The following CSMD1 variants were observed in gnomAD, a reference collection of about 807,000 sequenced individuals.
CSMD1 encodes the protein CUB and sushi domain-containing protein 1.
A neutral mutation model predicts 417.5 loss-of-function variants in CSMD1; 213 were observed. That is an observed-to-expected ratio of 0.51 (90% CI 0.46 to 0.57). The LOEUF (loss-of-function observed/expected upper bound fraction) is 0.57, where lower values mean the gene tolerates loss of function less well. Among genes scored for constraint, CSMD1 ranks in the 20% least tolerant of loss-of-function variants. The pLI is 0.00. For missense variants in CSMD1, 6,923 were observed against 4,529.7 expected, an observed-to-expected ratio of 1.53 and a Z score of -15.17; for synonymous variants, 2,862 against 1,736.8, an observed-to-expected ratio of 1.65 and a Z score of -16.11.
intron 2 of CSMD1, among the ~76,000 whole-genome samples, chr8:4,630,387 C>G (rs138562830): frequency 6.6e-6 from 1 of 151,802 alleles, no homozygotes; most frequent in South Asian, 2.1e-4. Flanking sequence ...GATGAGAGCC[C>G]AATCTCACCC....
At chr8:4,722,572 G>A (rs1388585727) in intron 1 of CSMD1, among the ~76,000 whole-genome samples, 3 of 152,064 alleles carry the variant, frequency 2.0e-5, no homozygotes, top group Non-Finnish European at 4.4e-5. Context: ...AGATAGTTAG[G>A]AATGTCTGTG....
chr8:3,580,308 G>A lies in CSMD1; in HGVS notation c.1223-5242C>T, dbSNP rs139791341. On this transcript the variant is annotated intron_variant, in intron 9 of 69. Coordinates refer to ENST00000635120, the MANE Select transcript of CSMD1 (RefSeq NM_033225.6). The stretch of plus-strand genomic sequence containing the variant: ...AAAAGATTTGTAAAGTGAGGGAAAA[G>A]GCCTGCTCTGTAAGAAGTGGTTTTG... Among the ~76,000 whole-genome samples the A allele has an allele frequency of 2.0e-3, 305 of 152,164 alleles. 1 individual carries two copies. The highest frequency in any genetic ancestry group is 6.8e-3 in the African/African-American group (282 of 41,504).
intron 3 of CSMD1, among the ~76,000 whole-genome samples, chr8:4,304,741 G>T (rs1175299267): frequency 6.6e-6 from 1 of 152,082 alleles, no homozygotes; most frequent in Non-Finnish European, 1.5e-5. Flanking sequence ...CTTGGTAAAA[G>T]AAAAGACCAA....
intron 6 of CSMD1, among the ~76,000 whole-genome samples, chr8:3,715,316 C>G (rs1445852939): frequency 6.6e-6 from 1 of 152,148 alleles, no homozygotes; most frequent in Non-Finnish European, 1.5e-5. Flanking sequence ...TCAGTAGGAG[C>G]TATGTCTCTA....
Position 3,468,706 on chromosome 8 carries a change from TC to T in CSMD1, c.1561+5del. ...TCCAACCCTGTGAAGTGTAATCTCATCATACCTTGGTAAACAGCTTTAAACC... is the reference window on the plus strand; with the variant it reads ...TCCAACCCTGTGAAGTGTAATCTCATATACCTTGGTAAACAGCTTTAAACC... On this transcript the variant is annotated splice_donor_5th_base_variant and intron_variant, in intron 12 of 69. Transcript: ENST00000635120. 2 of 1,575,582 alleles carry T rather than the reference TC, an allele frequency of 1.3e-6. No homozygotes were observed. The highest frequency in any genetic ancestry group is 1.7e-6 in the Non-Finnish European group (2 of 1,153,166).
intron 3 of CSMD1, among the ~76,000 whole-genome samples, chr8:4,178,154 T>C (rs1329501109): frequency 1.3e-5 from 2 of 152,142 alleles, no homozygotes; most frequent in African/African-American, 4.8e-5. Context: ...CCAATATCCT[T>C]GATGCAGATT....
At chr8:4,379,067 T>G (rs149746318) in intron 3 of CSMD1, among the ~76,000 whole-genome samples, 1 of 152,250 alleles carries the variant, frequency 6.6e-6, no homozygotes, top group Admixed American at 6.5e-5. Context: ...AATTTTATAG[T>G]GGAGATATTC....
chr8:4,183,424 G>A (rs866947295), intron 3 of CSMD1, among the ~76,000 whole-genome samples: 14 of 152,180 alleles, frequency 9.2e-5, no homozygotes, highest in Admixed American at 4.6e-4. Flanking sequence ...ACATACTGTG[G>A]GTCACAGCTT....
chr8:3,136,965 TTTAA>T lies in CSMD1; in HGVS notation c.6241+5496_6241+5499del, dbSNP rs533992639. Among the ~76,000 whole-genome samples, 132 of 152,290 alleles carry T rather than the reference TTTAA, an allele frequency of 8.7e-4. 1 individual carries two copies. Among genetic ancestry groups the T allele is most frequent in the African/African-American group, 3.0e-3 (124 of 41,538 alleles). ...ACATATTTTTTTTAAATTTTATTATTTTAATTGAGAGATAATAATTGCACATATT... is the reference window on the plus strand; with the variant it reads ...ACATATTTTTTTTAAATTTTATTATTTTGAGAGATAATAATTGCACATATT... On this transcript the variant is annotated intron_variant, in intron 41 of 69. Coordinates refer to ENST00000635120, the MANE Select transcript of CSMD1 (RefSeq NM_033225.6).
intron 3 of CSMD1, among the ~76,000 whole-genome samples, chr8:4,166,485 C>G (rs1797463160): frequency 6.6e-6 from 1 of 152,088 alleles, no homozygotes; most frequent in African/African-American, 2.4e-5. Context: ...GGCCATTACC[C>G]TAAGTTAAGT....
intron 3 of CSMD1, among the ~76,000 whole-genome samples, chr8:4,166,157 A>C (rs1425596317): frequency 1.3e-5 from 2 of 152,198 alleles, no homozygotes; most frequent in Non-Finnish European, 2.9e-5. Context: ...ACATTATTTT[A>C]AATTTGTAGT....
chr8:4,973,482 A>T (rs1315457799), intron 1 of CSMD1, among the ~76,000 whole-genome samples: 1 of 152,208 alleles, frequency 6.6e-6, no homozygotes, highest in Non-Finnish European at 1.5e-5. Flanking sequence ...ATTTGATAAA[A>T]TAAAAAATAA....
chr8:4,093,392 C>T (rs115395505), intron 3 of CSMD1, among the ~76,000 whole-genome samples: 137 of 152,072 alleles, frequency 9.0e-4, no homozygotes, highest in African/African-American at 3.1e-3. Context: ...ATTTAGAAAG[C>T]CAAATTGTTT....
intron 11 of CSMD1, among the ~76,000 whole-genome samples, chr8:3,469,359 T>C (rs1469873187): frequency 1.3e-5 from 2 of 152,184 alleles, no homozygotes; most frequent in East Asian, 1.9e-4. Context: ...TAGGTAATTA[T>C]ACATTAAGAG....
intron 3 of CSMD1, among the ~76,000 whole-genome samples, chr8:4,369,633 T>A (rs1802287110): frequency 6.6e-6 from 1 of 152,218 alleles, no homozygotes; most frequent in Non-Finnish European, 1.5e-5. Context: ...CCACGTTGAG[T>A]GACTTAACTA....
chr8:3,502,724 G>A (rs535175818), intron 10 of CSMD1, among the ~76,000 whole-genome samples: 3 of 152,174 alleles, frequency 2.0e-5, no homozygotes, highest in Non-Finnish European at 4.4e-5. Context: ...GGGATGAAGA[G>A]CAGGAGCACA....
At chr8:3,309,644 G>C (rs1161535031) in intron 23 of CSMD1, among the ~76,000 whole-genome samples, 3 of 152,184 alleles carry the variant, frequency 2.0e-5, no homozygotes, top group East Asian at 1.9e-4. Flanking sequence ...CTGGAAACTT[G>C]AGGGACCACA....
At position 3,014,346 on chromosome 8, in the gene CSMD1, G is replaced by A. The variant is rs78202746; in HGVS notation, c.8029+4131C>T. Among the ~76,000 whole-genome samples, 129 of 152,290 alleles carry A rather than the reference G, an allele frequency of 8.5e-4. 4 individuals carry two copies. In the South Asian group the frequency reaches 0.025, roughly 30 times the overall value. On this transcript the variant is annotated intron_variant, in intron 52 of 69. Coordinates refer to ENST00000635120, the MANE Select transcript of CSMD1 (RefSeq NM_033225.6). ...TTCCAAAGTTACTTATGAAGAATAT[G>A]CTTGGGTATCTGCTCTATATATCAT...
intron 3 of CSMD1, among the ~76,000 whole-genome samples, chr8:4,064,981 G>A (rs550673613): frequency 6.6e-6 from 1 of 151,026 alleles, no homozygotes; most frequent in African/African-American, 2.4e-5. Flanking sequence ...ACTAACTTTT[G>A]TGTCAGTTTT....
Sources: allele counts gnomAD v4.1 joint callset (sites outside exome capture counted in the v4.1 genomes callset), GRCh38; gene constraint gnomAD v4.1.1; transcripts MANE v1.5; gene names NCBI Gene and HGNC (gene_info 2026-07-23, HGNC 2026-07-21).